PALLD: variants seen among roughly 807,000 people sequenced by gnomAD.
PALLD encodes palladin.
In PALLD, 61 loss-of-function variants were observed where a neutral mutation model predicts 123.5. That is an observed-to-expected ratio of 0.49 (90% confidence interval 0.40 to 0.61). The LOEUF (loss-of-function observed/expected upper bound fraction) is 0.61, where lower values mean the gene tolerates loss of function less well. PALLD is among the 20% of genes least tolerant of loss of function. The pLI, the probability that PALLD is intolerant of heterozygous loss-of-function variation, is 0.00. For synonymous variants in PALLD, 465 were observed against 496.4 expected (o/e 0.94, Z 0.84); for missense variants, 1,273 against 1,377.0 (o/e 0.92, Z 1.20).
intron 3 of PALLD, among the ~76,000 whole-genome samples, chr4:168,672,904 A>G (rs1042157883): frequency 2.0e-5 from 3 of 152,206 alleles, no homozygotes; most frequent in African/African-American, 7.2e-5. Flanking sequence ...CACAGCACAC[A>G]CACATGCCTG....
chr4:168,806,348 G>C (rs1740192960), intron 10 of PALLD, among the ~76,000 whole-genome samples: 1 of 152,228 alleles, frequency 6.6e-6, no homozygotes, highest in Non-Finnish European at 1.5e-5. Context: ...ACTGGTGTGA[G>C]CCAGTGAGCC....
At chr4:168,822,700 A>G (rs760310447) in intron 10 of PALLD, among the ~76,000 whole-genome samples, 3 of 152,222 alleles carry the variant, frequency 2.0e-5, no homozygotes, top group African/African-American at 4.8e-5. Context: ...ATTGTTCACC[A>G]TGGAGCTATG....
At chr4:168,575,635 C>A (rs1214145991) in intron 2 of PALLD, among the ~76,000 whole-genome samples, 1 of 152,028 alleles carries the variant, frequency 6.6e-6, no homozygotes. Context: ...TCGGAGCTGC[C>A]GTTGCTGGTC....
Position 168,589,521 on chromosome 4 carries a change from C to A in PALLD, c.908+77109C>A, listed in dbSNP as rs1327038404. On this transcript the variant is annotated intron_variant, in intron 2 of 21. Coordinates refer to ENST00000505667, the MANE Select transcript of PALLD (RefSeq NM_001166108.2). ...ATCTTTCCTGGGATAACCCAGTCCACTGTACCCACTCCCACCAACCCCCAC... is the reference window on the plus strand; with the variant it reads ...ATCTTTCCTGGGATAACCCAGTCCAATGTACCCACTCCCACCAACCCCCAC... Among the ~76,000 whole-genome samples the A allele has an allele frequency of 2.1e-5, 3 of 142,560 alleles. No individual in the cohort carries two copies. In the East Asian group the frequency reaches 5.8e-4, roughly 27 times the overall value. 93.5% of individuals were successfully genotyped at this position (142,560 alleles called of 152,430 possible).
At chr4:168,806,673 T>G (rs1300786278) in intron 10 of PALLD, among the ~76,000 whole-genome samples, 2 of 152,232 alleles carry the variant, frequency 1.3e-5, no homozygotes, top group East Asian at 1.9e-4. Context: ...ATTCACTTAT[T>G]ATTGTTTGCT....
At chr4:168,885,351 T>G (rs34985347) in intron 10 of PALLD, 72,908 of 152,092 alleles carry the variant, frequency 0.48, 21,005 homozygotes, top group Non-Finnish European at 0.62. Flanking sequence ...TTAAATAATG[T>G]TGAGTGCTTG....
At chr4:168,671,109 T>C (rs1780228098) in intron 3 of PALLD, among the ~76,000 whole-genome samples, 1 of 151,862 alleles carries the variant, frequency 6.6e-6, no homozygotes, top group Admixed American at 6.6e-5. Flanking sequence ...CTTATAAAAG[T>C]TAAATGCATG....
chr4:168,546,999 T>G (rs1766200194), intron 2 of PALLD, among the ~76,000 whole-genome samples: 3 of 152,320 alleles, frequency 2.0e-5, no homozygotes, highest in Admixed American at 2.0e-4. Flanking sequence ...ACACCTTATA[T>G]TTTTCCCTAT....
intron 2 of PALLD, among the ~76,000 whole-genome samples, chr4:168,561,425 A>G (rs1377988966): frequency 6.6e-6 from 1 of 151,800 alleles, no homozygotes; most frequent in Non-Finnish European, 1.5e-5. Flanking sequence ...AGAATGGACC[A>G]TTGTGCTCAG....
At chr4:168,898,793 GAGAA>G in intron 14 of PALLD, 79 bp downstream of exon 14, 3 of 882,858 alleles carry the variant, frequency 3.4e-6, no homozygotes, top group Non-Finnish European at 3.8e-6. Context: ...ATGCCAGTAG[GAGAA>G]AGAGATACAA....
intron 10 of PALLD, among the ~76,000 whole-genome samples, chr4:168,746,245 C>T (rs946753154): frequency 1.3e-5 from 2 of 151,824 alleles, no homozygotes; most frequent in Non-Finnish European, 2.9e-5. Context: ...CTCTTTTCCT[C>T]ATCAAGAGGA....
intron 2 of PALLD, among the ~76,000 whole-genome samples, chr4:168,549,961 C>T (rs1221250049): frequency 6.6e-6 from 1 of 152,196 alleles, no homozygotes; most frequent in African/African-American, 2.4e-5. Flanking sequence ...ATATTATTTA[C>T]ACTTTCATCC....
chr4:168,635,049 C>A (rs1776206419), intron 2 of PALLD, among the ~76,000 whole-genome samples: 1 of 152,140 alleles, frequency 6.6e-6, no homozygotes, highest in African/African-American at 2.4e-5. Flanking sequence ...ACCCAACTCT[C>A]TCCAATAACT....
intron 15 of PALLD, 34 bp downstream of exon 15, chr4:168,903,940 T>G: frequency 1.3e-6 from 2 of 1,589,062 alleles, no homozygotes; most frequent in Non-Finnish European, 1.7e-6. Context: ...CTCAGTTCTG[T>G]GTCTAGTGCT....
In PALLD at chr4:168,926,291, A is replaced by G; in HGVS notation, c.*111A>G. ...GCCAGTCGCTATGCAGCACTTTCGG[A>G]CCAGGGACTAGACATCAAAGCAGCG... On this transcript the variant is annotated 3_prime_UTR_variant, in exon 22 of 22. Transcript: ENST00000505667. The G allele has an allele frequency of 6.5e-7, 1 of 1,537,238 alleles. No homozygotes were observed. The highest frequency in any genetic ancestry group is 8.7e-7 in the Non-Finnish European group (1 of 1,146,834).
chr4:168,529,196 G>A lies in PALLD; in HGVS notation c.908+16784G>A, dbSNP rs148092497. Among the ~76,000 whole-genome samples the A allele has an allele frequency of 2.5e-3, 374 of 152,218 alleles. 1 individual carries two copies. Among genetic ancestry groups the A allele is most frequent in the Middle Eastern group, 0.01 (3 of 294 alleles). Reference sequence around the variant, plus strand: ...CTAAAAATACAAAAAATTTCGTTGGGCATGGTGGCACATCCCTGTAATCCC... The same window carrying A: ...CTAAAAATACAAAAAATTTCGTTGGACATGGTGGCACATCCCTGTAATCCC... On this transcript the variant is annotated intron_variant, in intron 2 of 21. Transcript: ENST00000505667.
At chr4:168,855,373 G>A (rs1455662961) in intron 10 of PALLD, among the ~76,000 whole-genome samples, 1 of 152,204 alleles carries the variant, frequency 6.6e-6, no homozygotes, top group African/African-American at 2.4e-5. Flanking sequence ...ACAGGTGTGA[G>A]CCACCTCGCC....
In PALLD at chr4:168,756,189, G is replaced by A. The variant is rs565640179; in HGVS notation, c.1964+44266G>A. On this transcript the variant is annotated intron_variant, in intron 10 of 21. Coordinates refer to ENST00000505667, the MANE Select transcript of PALLD (RefSeq NM_001166108.2). ...GCGAAAAATATATCTGCAGGGTTCG[G>A]GTGAGCCCAGGTGTTGCTTGTTCAA... is the stretch of plus-strand genomic sequence containing the variant. The A allele has an allele frequency of 2.8e-5, 5 of 176,394 alleles. No homozygotes were observed. The South Asian group carries it at 4.5e-4, about 16-fold the overall frequency. The allele number at this position is 176,394 out of a possible 1,614,324, so 10.9% of individuals were successfully genotyped here. A position where few individuals can be genotyped will look rare whatever the true frequency, so the allele number is the denominator to read the frequency against.
chr4:168,767,542 A>ATTTT (rs5863956), intron 10 of PALLD, among the ~76,000 whole-genome samples: 4 of 125,694 alleles, frequency 3.2e-5, no homozygotes, highest in African/African-American at 1.2e-4. Flanking sequence ...CCTGTCTCTG[A>ATTTT]TTTTTTTTTT....
Sources: gnomAD v4.1 joint callset for allele counts (sites outside exome capture counted in the v4.1 genomes callset) on GRCh38, gnomAD v4.1.1 for gene constraint, MANE v1.5 for transcripts, NCBI Gene and HGNC (gene_info 2026-07-23, HGNC 2026-07-21) for gene names.